XYLT1: variants seen among roughly 807,000 people sequenced by gnomAD.
The protein encoded by XYLT1 is xylosyltransferase 1, also known as beta-D-xylosyltransferase 1.
XYLT1 carries 36 observed loss-of-function variants against 91.3 expected under a neutral mutation model. The observed-to-expected ratio is 0.39, with a 90% CI of 0.30 to 0.52. The LOEUF is 0.52. Among genes scored for constraint, XYLT1 ranks in the 20% least tolerant of loss-of-function variants. The pLI is 0.68. For synonymous variants in XYLT1, 588 were observed against 532.0 expected (o/e 1.11, Z -1.45); for missense variants, 1,242 against 1,284.5 (o/e 0.97, Z 0.51).
At chr16:17,228,698 C>T (rs2033110850) in intron 3 of XYLT1, among the ~76,000 whole-genome samples, 1 of 152,156 alleles carries the variant, frequency 6.6e-6, no homozygotes, top group South Asian at 2.1e-4. Flanking sequence ...ATCCATTTTG[C>T]TCCTCCGGAC....
intron 3 of XYLT1, among the ~76,000 whole-genome samples, chr16:17,244,003 T>C (rs1463905691): frequency 6.6e-6 from 1 of 152,240 alleles, no homozygotes; most frequent in East Asian, 1.9e-4. Flanking sequence ...GCAGTATCCT[T>C]CGTGTCTACG....
chr16:17,304,102 T>G (rs2034437872), intron 2 of XYLT1, among the ~76,000 whole-genome samples: 1 of 152,136 alleles, frequency 6.6e-6, no homozygotes, highest in Admixed American at 6.5e-5. Context: ...TTTATGCTTA[T>G]GTTGGAAGGT....
At position 17,335,750 on chromosome 16, in the gene XYLT1, A is replaced by G. The variant is rs1168761189; in HGVS notation, c.402+22262T>C. ...AACTTTTCCATTTTTTGCCCTATCCATGTAATGTCTGTTGTTTTATTTATT... is the reference window on the plus strand; with the variant it reads ...AACTTTTCCATTTTTTGCCCTATCCGTGTAATGTCTGTTGTTTTATTTATT... On this transcript the variant is annotated intron_variant, in intron 2 of 11. Transcript: ENST00000261381. Among the ~76,000 whole-genome samples, 5 of 151,370 alleles carry G rather than the reference A, an allele frequency of 3.3e-5. No homozygotes were observed. The East Asian group carries it at 9.7e-4, about 29-fold the overall frequency.
chr16:17,273,089 G>A (rs1476489836), intron 2 of XYLT1, among the ~76,000 whole-genome samples: 2 of 152,188 alleles, frequency 1.3e-5, no homozygotes, highest in Admixed American at 1.3e-4. Context: ...GTCCCCAGAT[G>A]TCCTGTGCGT....
chr16:17,385,821 G>A (rs1478244691), intron 1 of XYLT1, among the ~76,000 whole-genome samples: 1 of 152,042 alleles, frequency 6.6e-6, no homozygotes, highest in African/African-American at 2.4e-5. Context: ...TAAATCCAAG[G>A]AAACACTACA....
intron 5 of XYLT1, among the ~76,000 whole-genome samples, chr16:17,161,570 T>C (rs969294236): frequency 6.6e-6 from 1 of 152,196 alleles, no homozygotes; most frequent in African/African-American, 2.4e-5. Context: ...TCTCCTATTG[T>C]TGCTTTCAGA....
At chr16:17,453,928 G>A (rs1042898304) in intron 1 of XYLT1, among the ~76,000 whole-genome samples, 1 of 152,338 alleles carries the variant, frequency 6.6e-6, no homozygotes, top group East Asian at 1.9e-4. Context: ...CATCGGGCTT[G>A]TTCCCAACAG....
chr16:17,343,827 A>T (rs2035101616), intron 2 of XYLT1, among the ~76,000 whole-genome samples: 1 of 152,066 alleles, frequency 6.6e-6, no homozygotes, highest in Admixed American at 6.5e-5. Flanking sequence ...ACCTCATCAC[A>T]CCCACAGTGA....
rs780723113 is a variant in XYLT1 at position 17,134,581 on chromosome 16, C to T, written c.1919G>A (p.Gly640Asp). 4 of 1,614,196 alleles carry T rather than the reference C, an allele frequency of 2.5e-6. No homozygotes were observed. The highest frequency in any genetic ancestry group is 1.1e-5 in the South Asian group (1 of 91,086). ...TGTCACGTCGCTCAGGCTGTGGATG[C>T]CGTCAGGCTCATCGTAGACATTCTC... is the stretch of plus-strand genomic sequence containing the variant. ...YWENVYDEPD[G>D]IHSLSDVTLT... The change falls in exon 9 of 12, where the codon GGC (glycine) becomes GAC (aspartate). Residue 640 changes from glycine to aspartate, a missense_variant. Gly to Asp is a moderately conservative substitution (Grantham distance 94, BLOSUM62 -1). Transcript: ENST00000261381.
At chr16:17,413,581 G>A (rs2036141305) in intron 1 of XYLT1, among the ~76,000 whole-genome samples, 1 of 151,966 alleles carries the variant, frequency 6.6e-6, no homozygotes, top group Non-Finnish European at 1.5e-5. Context: ...GGGACTACAG[G>A]TGCTCACCAC....
At chr16:17,224,940 A>G (rs1471499363) in intron 3 of XYLT1, among the ~76,000 whole-genome samples, 4 of 152,202 alleles carry the variant, frequency 2.6e-5, no homozygotes, top group African/African-American at 4.8e-5. Context: ...AGGCAGCCAC[A>G]GACAAGACCA....
At chr16:17,263,148 T>C (rs1010137932) in intron 2 of XYLT1, among the ~76,000 whole-genome samples, 4 of 152,088 alleles carry the variant, frequency 2.6e-5, no homozygotes, top group Non-Finnish European at 5.9e-5. Context: ...TTCCTTGTTA[T>C]CAGCAAGTTT....
At chr16:17,145,003 C>T (rs368897420) in intron 6 of XYLT1, among the ~76,000 whole-genome samples, 1 of 152,196 alleles carries the variant, frequency 6.6e-6, no homozygotes, top group South Asian at 2.1e-4. Context: ...CAAAAGAAAA[C>T]CCCATACACA....
intron 2 of XYLT1, among the ~76,000 whole-genome samples, chr16:17,330,296 TTC>T (rs1216635989): frequency 2.0e-5 from 3 of 152,130 alleles, no homozygotes; most frequent in Non-Finnish European, 4.4e-5. Flanking sequence ...GTCCTTGCAA[TTC>T]TCTCTCTACA....
chr16:17,329,716 C>A (rs1338915023), intron 2 of XYLT1, among the ~76,000 whole-genome samples: 2 of 152,162 alleles, frequency 1.3e-5, no homozygotes, highest in East Asian at 3.9e-4. Flanking sequence ...CAAACATGGA[C>A]ACCCGTGAGT....
chr16:17,231,899 A>C (rs1343461575), intron 3 of XYLT1, among the ~76,000 whole-genome samples: 3 of 151,818 alleles, frequency 2.0e-5, no homozygotes, highest in Non-Finnish European at 4.4e-5. Flanking sequence ...ATTACTGTAC[A>C]TTACTGTAGA....
chr16:17,411,762 C>A (rs1386210986), intron 1 of XYLT1, among the ~76,000 whole-genome samples: 2 of 152,166 alleles, frequency 1.3e-5, no homozygotes, highest in African/African-American at 4.8e-5. Flanking sequence ...CAGATGCCTA[C>A]CTGGTTTTAA....
chr16:17,215,766 A>G (rs1431647447), intron 3 of XYLT1, among the ~76,000 whole-genome samples: 1 of 152,100 alleles, frequency 6.6e-6, no homozygotes, highest in Non-Finnish European at 1.5e-5. Context: ...GTCACGAATG[A>G]TAGTATGGTA....
chr16:17,388,394 G>C (rs976631283), intron 1 of XYLT1, among the ~76,000 whole-genome samples: 1 of 152,148 alleles, frequency 6.6e-6, no homozygotes, highest in Non-Finnish European at 1.5e-5. Flanking sequence ...TAGAGGACCA[G>C]AGAGAGTTCA....
Sources: gnomAD v4.1 joint callset for allele counts (sites outside exome capture counted in the v4.1 genomes callset) on GRCh38, gnomAD v4.1.1 for gene constraint, MANE v1.5 for transcripts, NCBI Gene and HGNC (gene_info 2026-07-23, HGNC 2026-07-21) for gene names.